Variants in HERC2 observed in about 807,000 individuals in gnomAD.
HERC2 encodes E3 ubiquitin-protein ligase HERC2.
In HERC2, 102 loss-of-function variants were observed where a neutral mutation model predicts 537.7. The observed-to-expected ratio is 0.19, with a 90% confidence interval of 0.16 to 0.22. The LOEUF (loss-of-function observed/expected upper bound fraction) is 0.22, where lower values mean the gene tolerates loss of function less well. HERC2 is among the 10% of genes least tolerant of loss of function. The probability of loss-of-function intolerance (pLI) is 1.00; values close to 1 mark genes in which losing one functional copy is unlikely to be tolerated. For missense variants in HERC2, 4,236 were observed against 6,198.2 expected (o/e 0.68, Z 10.63); for synonymous variants, 2,224 against 2,466.2 (o/e 0.90, Z 2.91).
chr15:28,272,186 T>G, intron 9 of HERC2, 29 bp downstream of exon 9: 2 of 1,555,968 alleles, frequency 1.3e-6, no homozygotes, highest in Non-Finnish European at 1.7e-6. Flanking sequence ...GAGTGCCACC[T>G]AAACACAAAG....
Position 28,228,206 on chromosome 15 carries a change from G to T in HERC2, c.5464+12C>A. On this transcript the variant is annotated intron_variant, in intron 35 of 92. Transcript: ENST00000261609. The stretch of plus-strand genomic sequence containing the variant: ...CATTTTCCCAAAGGCGCTCAAGCGG[G>T]TGCAGACCTACCAATCAGGCGCAGT... The T allele has an allele frequency of 6.2e-7, 1 of 1,611,116 alleles. No homozygotes were observed. The highest frequency in any genetic ancestry group is 8.5e-7 in the Non-Finnish European group (1 of 1,178,334).
chr15:28,119,399 CAAAAAAAAA>C (rs201078187), intron 86 of HERC2, among the ~76,000 whole-genome samples: 6 of 133,952 alleles, frequency 4.5e-5, no homozygotes, highest in African/African-American at 1.8e-4. Flanking sequence ...GACTCCCTCT[CAAAAAAAAA>C]AAAAAAAAAA....
chr15:28,304,144 C>CCA (rs1297797956), intron 2 of HERC2, among the ~76,000 whole-genome samples: 2 of 117,184 alleles, frequency 1.7e-5, no homozygotes, highest in Non-Finnish European at 3.3e-5. Flanking sequence ...CCAGCCTGGG[C>CCA]CACAGAGTGA....
In HERC2 at chr15:28,228,345, G is replaced by A; in HGVS notation, c.5337C>T (p.Thr1779=). 1 of 1,612,168 alleles carries A rather than the reference G, an allele frequency of 6.2e-7. No individual in the cohort carries two copies. Residue 1779 remains threonine (T), a synonymous_variant, in exon 35 of 93, where the codon ACC becomes ACT. Transcript: ENST00000261609. ...NENPSGPSLG[T]IPQARFLLVM... The stretch of plus-strand genomic sequence containing the variant: ...CCAGGAGGAAGCGGGCTTGCGGGAT[G>A]GTCCCCAGGCTCGGTCCTGACGGGT...
rs762398041 is a variant in HERC2, at chr15:28,113,730, T to C, written c.13914-52A>G. On this transcript the variant is annotated intron_variant, in intron 90 of 92. Coordinates refer to ENST00000261609, the MANE Select transcript of HERC2 (RefSeq NM_004667.6). The surrounding 1 kb of genome is among the most constrained non-coding windows in gnomAD (Gnocchi z 7.0). ...TCTGTCTTCAGTGACACTGACTTTA[T>C]GCTGCTCACACCAAGCCTTGGCATG... The C allele has an allele frequency of 1.0e-5, 15 of 1,454,226 alleles. No individual in the cohort carries two copies. The South Asian group carries it at 1.5e-4, about 15-fold the overall frequency. The allele number at this position is 1,454,226 out of a possible 1,614,324, so 90.1% of individuals were successfully genotyped here.
At chr15:28,187,492 C>T (rs187523143) in intron 55 of HERC2, among the ~76,000 whole-genome samples, 33 of 152,018 alleles carry the variant, frequency 2.2e-4, no homozygotes, top group Admixed American at 2.0e-3. Context: ...CCACCACACC[C>T]GGCTAATTTT....
At chr15:28,281,528 C>T (rs1322883128) in intron 4 of HERC2, among the ~76,000 whole-genome samples, 1 of 152,148 alleles carries the variant, frequency 6.6e-6, no homozygotes, top group Admixed American at 6.5e-5. Flanking sequence ...AGTTTTCTGG[C>T]TACCCACTAC....
chr15:28,235,689 G>A (rs936054954), intron 26 of HERC2, among the ~76,000 whole-genome samples: 7 of 152,098 alleles, frequency 4.6e-5, no homozygotes, highest in Non-Finnish European at 8.8e-5. Flanking sequence ...CCAAAACCAC[G>A]TATGAACGTC....
At chr15:28,306,507 A>C (rs1297452716) in intron 2 of HERC2, among the ~76,000 whole-genome samples, 5 of 152,162 alleles carry the variant, frequency 3.3e-5, no homozygotes, top group African/African-American at 1.2e-4. Context: ...ATCAATGTTC[A>C]TCTGGGATAC....
chr15:28,161,247 T>A (rs1893564916), intron 69 of HERC2, among the ~76,000 whole-genome samples: 1 of 151,542 alleles, frequency 6.6e-6, no homozygotes, highest in South Asian at 2.1e-4. Context: ...GAACTTACAT[T>A]TAATGATTTT....
intron 71 of HERC2, among the ~76,000 whole-genome samples, chr15:28,145,869 C>T (rs1478518271): frequency 6.6e-6 from 1 of 152,182 alleles, no homozygotes; most frequent in African/African-American, 2.4e-5. Context: ...GAAGTCACTC[C>T]ACACATGGCC....
At chr15:28,232,011 G>C (rs1173948534) in intron 30 of HERC2, among the ~76,000 whole-genome samples, 1 of 152,062 alleles carries the variant, frequency 6.6e-6, no homozygotes, top group Non-Finnish European at 1.5e-5. Flanking sequence ...CTGAGTTCCT[G>C]CATGCCTGGG....
intron 4 of HERC2, among the ~76,000 whole-genome samples, chr15:28,285,803 C>CAAAAAAAAAAA (rs3079904): frequency 2.8e-5 from 2 of 72,376 alleles, no homozygotes; most frequent in African/African-American, 4.3e-5. Context: ...GCATGACTGA[C>CAAAAAAAAAAA]AAAAAAAAAA....
At chr15:28,237,254 T>C (rs1902561177) in intron 25 of HERC2, 141 bp from the exon 26 acceptor site, 1 of 649,776 alleles carries the variant, frequency 1.5e-6, no homozygotes, top group Admixed American at 2.5e-5. Flanking sequence ...CATCCTGTAA[T>C]GAGTTGATGC....
chr15:28,175,375 C>A, intron 64 of HERC2, 137 bp downstream of exon 64: 1 of 863,910 alleles, frequency 1.2e-6, no homozygotes, highest in Non-Finnish European at 1.8e-6. Context: ...CAGGACCCGC[C>A]CTCATGGTTC....
chr15:28,232,916 T>A (rs1567048023), intron 30 of HERC2, among the ~76,000 whole-genome samples: 1 of 152,262 alleles, frequency 6.6e-6, no homozygotes, highest in South Asian at 2.1e-4. Context: ...ATCAATTTAC[T>A]AGTAATCAAA....
chr15:28,190,184 T>G (rs1896718067), intron 55 of HERC2: 1 of 148,730 alleles, frequency 6.7e-6, no homozygotes, highest in African/African-American at 2.5e-5. Context: ...AATTTTTTTT[T>G]TTTTTTTTTT....
chr15:28,229,307 G>A lies in HERC2; in HGVS notation c.5160C>T (p.Ile1720=), dbSNP rs567444544. The change falls in exon 34 of 93, where the codon ATC becomes ATT. Residue 1720 remains isoleucine, a synonymous_variant. Coordinates refer to ENST00000261609, the MANE Select transcript of HERC2 (RefSeq NM_004667.6). ...CCAGCAGCATCCGATTAAAAGGCGG[G>A]ATCAAATCAACATCCTTTAAACAAT... ...LTDCLKDVDL[I]PPFNRMLLEV... is the part of the protein sequence containing the mutation. 15 of 1,612,374 alleles carry A rather than the reference G, an allele frequency of 9.3e-6. No homozygotes were observed. The African/African-American group carries it at 1.7e-4, about 19-fold the overall frequency.
chr15:28,143,837 T>C (rs1170276325), intron 74 of HERC2, 36 bp downstream of exon 74: 1 of 1,613,098 alleles, frequency 6.2e-7, no homozygotes, highest in Non-Finnish European at 8.5e-7. Context: ...TCCCCAAGGG[T>C]CACAAATCTA....
Sources: gnomAD v4.1 joint callset for allele counts (sites outside exome capture counted in the v4.1 genomes callset) on GRCh38, gnomAD v4.1.1 for gene constraint, Gnocchi (gnomAD v3.1) non-coding constraint, MANE v1.5 for transcripts, NCBI Gene and HGNC (gene_info 2026-07-23, HGNC 2026-07-21) for gene names.